PDS5B: variants seen among roughly 807,000 people sequenced by gnomAD.
PDS5B encodes the protein PDS5 cohesin associated factor B, also known as sister chromatid cohesion protein PDS5 homolog B.
In PDS5B, 51 loss-of-function variants were observed where a neutral mutation model predicts 184.1. That is an observed-to-expected ratio of 0.28 (90% CI 0.22 to 0.35). The LOEUF is 0.35. Ranked by LOEUF, PDS5B falls within the 10% of genes least tolerant of loss-of-function variation. The pLI is 1.00. For missense variants in PDS5B, 1,180 were observed against 1,723.3 expected (o/e 0.68, Z 5.58); for synonymous variants, 566 against 569.2 (o/e 0.99, Z 0.08).
At chr13:32,678,759 G>C in intron 9 of PDS5B, 76 bp from the exon 10 acceptor site, 1 of 834,086 alleles carries the variant, frequency 1.2e-6, no homozygotes, top group Admixed American at 2.1e-5. Flanking sequence ...TTAGATAAAT[G>C]TAAATTGGGT....
chr13:32,660,957 A>T (rs1950626854), intron 6 of PDS5B, among the ~76,000 whole-genome samples: 1 of 152,232 alleles, frequency 6.6e-6, no homozygotes, highest in African/African-American at 2.4e-5. Context: ...AGTTTAGTGA[A>T]TGACACTGAA....
chr13:32,625,127 T>C (rs1289526957), intron 1 of PDS5B, among the ~76,000 whole-genome samples: 3 of 152,312 alleles, frequency 2.0e-5, no homozygotes, highest in Admixed American at 1.3e-4. Flanking sequence ...CATTTATTCA[T>C]TCATTTTGAG....
chr13:32,628,764 G>T (rs2058409867), intron 1 of PDS5B, among the ~76,000 whole-genome samples: 1 of 140,418 alleles, frequency 7.1e-6, no homozygotes. Context: ...AATATTATTG[G>T]CTAACACTGT....
chr13:32,602,073 C>CTTT (rs538972656), intron 1 of PDS5B, among the ~76,000 whole-genome samples: 1 of 148,164 alleles, frequency 6.7e-6, no homozygotes, highest in Admixed American at 6.7e-5. Context: ...CAGTTAAATT[C>CTTT]TTTTTTTTTT....
intron 7 of PDS5B, among the ~76,000 whole-genome samples, chr13:32,670,084 A>G (rs1473420415): frequency 6.6e-6 from 1 of 151,932 alleles, no homozygotes; most frequent in Non-Finnish European, 1.5e-5. Context: ...TAATAACCCC[A>G]CTTCTCTCTT....
chr13:32,719,131 A>C (rs962454), intron 19 of PDS5B, among the ~76,000 whole-genome samples: 59,043 of 151,986 alleles, frequency 0.39, 11,970 homozygotes, highest in Non-Finnish European at 0.45. Context: ...AGGAAGGGAC[A>C]CTTATACCAA....
At chr13:32,760,095 A>AC (rs1954323058) in intron 29 of PDS5B, among the ~76,000 whole-genome samples, 1 of 152,082 alleles carries the variant, frequency 6.6e-6, no homozygotes, top group African/African-American at 2.4e-5. Flanking sequence ...AGCTGGGACT[A>AC]CAGGTGCCTG....
chr13:32,599,914 C>CA (rs559279917), intron 1 of PDS5B, among the ~76,000 whole-genome samples: 201 of 151,352 alleles, frequency 1.3e-3, no homozygotes, highest in Admixed American at 4.0e-3. Context: ...GACTCTGTCT[C>CA]AAAAAAAACA....
At chr13:32,643,059 A>G (rs1950138342) in intron 1 of PDS5B, among the ~76,000 whole-genome samples, 1 of 152,130 alleles carries the variant, frequency 6.6e-6, no homozygotes, top group African/African-American at 2.4e-5. Context: ...CTCTGTCTAC[A>G]TTGTATAGCT....
At chr13:32,634,985 A>G (rs936684247) in intron 1 of PDS5B, among the ~76,000 whole-genome samples, 9 of 150,382 alleles carry the variant, frequency 6.0e-5, no homozygotes, top group South Asian at 2.1e-4. Context: ...AACCTCAGCA[A>G]TATTTCTTAC....
chr13:32,683,813 C>CT (rs1404328032), intron 10 of PDS5B, 65 bp from the exon 11 acceptor site: 3 of 1,058,634 alleles, frequency 2.8e-6, no homozygotes, highest in Non-Finnish European at 4.3e-6. Flanking sequence ...TCAAGGGTAT[C>CT]ATGCAGTGTT....
At chr13:32,714,331 A>G (rs1433062337) in intron 19 of PDS5B, among the ~76,000 whole-genome samples, 1 of 152,124 alleles carries the variant, frequency 6.6e-6, no homozygotes, top group East Asian at 1.9e-4. Flanking sequence ...CTTCCTAATA[A>G]GCCTCACAGG....
In PDS5B at chr13:32,770,381, A is replaced by G; in HGVS notation, c.3885A>G (p.Lys1295=). 1.9e-6 allele frequency: 3 copies of G among 1,613,492 alleles called. No homozygotes were observed. The highest frequency in any genetic ancestry group is 2.5e-6 in the Non-Finnish European group (3 of 1,179,898). ...AGGGTAAAAGAGGCCGACCACCAAA[A>G]CCTCTTGGTGGAGGTACACCAAAAG... The part of the protein sequence containing the change: ...PKKGKRGRPP[K]PLGGGTPKEE... Residue 1295 remains lysine, a synonymous_variant, in exon 32 of 35, where the codon AAA becomes AAG. Coordinates refer to ENST00000315596, the MANE Select transcript of PDS5B (RefSeq NM_015032.4).
chr13:32,635,551 C>A (rs1467172552), intron 1 of PDS5B, among the ~76,000 whole-genome samples: 1 of 149,140 alleles, frequency 6.7e-6, no homozygotes, highest in Non-Finnish European at 1.5e-5. Context: ...ACCATGTTGG[C>A]CAGGATGGTC....
chr13:32,735,179 A>T lies in PDS5B; in HGVS notation c.2255A>T (p.His752Leu), dbSNP rs201553782. 226 of 1,585,438 alleles carry T rather than the reference A, an allele frequency of 1.4e-4. No individual in the cohort carries two copies. The highest frequency in any genetic ancestry group is 1.2e-4 in the Non-Finnish European group (135 of 1,166,632). Residue 752 changes from histidine to leucine, a missense_variant, in exon 21 of 35, where the codon CAT becomes CTT. Coordinates refer to ENST00000315596, the MANE Select transcript of PDS5B (RefSeq NM_015032.4). ...TQFAQIFEPL[H>L]KSLDPSNLEH... ...TCCTCCCCTCATTTTCAGCCTCTGC[A>T]TAAGAGCCTAGATCCAAGCAACCTG...
Position 32,775,115 on chromosome 13 carries a change from T to C in PDS5B, c.*63T>C. On this transcript the variant is annotated 3_prime_UTR_variant, in exon 35 of 35. Coordinates refer to ENST00000315596, the MANE Select transcript of PDS5B (RefSeq NM_015032.4). Reference sequence around the variant, plus strand: ...GAAAAATCTTTTTTTTTTTTTTTGGTCAAGCTTGAGGCTGAATAAAGCCTT... The same window carrying C: ...GAAAAATCTTTTTTTTTTTTTTTGGCCAAGCTTGAGGCTGAATAAAGCCTT... 6.9e-7 allele frequency: 1 copy of C among 1,443,966 alleles called. No homozygotes were observed. The highest frequency in any genetic ancestry group is 9.6e-7 in the Non-Finnish European group (1 of 1,045,156). The allele number at this position is 1,443,966 out of a possible 1,614,324, so 89.4% of individuals were successfully genotyped here.
chr13:32,607,302 C>G (rs1566242295), intron 1 of PDS5B, among the ~76,000 whole-genome samples: 1 of 152,206 alleles, frequency 6.6e-6, no homozygotes, highest in Non-Finnish European at 1.5e-5. Flanking sequence ...AGCTGCAGGT[C>G]TGTTGGAGTT....
chr13:32,633,186 G>C (rs1014267850), intron 1 of PDS5B, among the ~76,000 whole-genome samples: 1 of 152,158 alleles, frequency 6.6e-6, no homozygotes, highest in Non-Finnish European at 1.5e-5. Context: ...ATTGCTTAAT[G>C]GTTACAAGTT....
intron 1 of PDS5B, among the ~76,000 whole-genome samples, chr13:32,591,217 C>T (rs1287776428): frequency 6.6e-6 from 1 of 152,056 alleles, no homozygotes; most frequent in Non-Finnish European, 1.5e-5. Flanking sequence ...CAACCTCCAC[C>T]TCCTGGGTTC....
Sources: gnomAD v4.1 joint callset for allele counts (sites outside exome capture counted in the v4.1 genomes callset) on GRCh38, gnomAD v4.1.1 for gene constraint, MANE v1.5 for transcripts, NCBI Gene and HGNC (gene_info 2026-07-23, HGNC 2026-07-21) for gene names.